MDGA2: variants seen among roughly 807,000 people sequenced by gnomAD.
The protein encoded by MDGA2 is MAM domain-containing glycosylphosphatidylinositol anchor protein 2.
Under a neutral mutation model 117.8 loss-of-function variants are expected in MDGA2, and 40 were observed. The ratio of observed to expected loss-of-function variants is 0.34; its 90% CI spans 0.26 to 0.44. The LOEUF is 0.44. Ranked by LOEUF, MDGA2 falls within the 20% of genes least tolerant of loss-of-function variation. MDGA2 has a pLI of 1.00. For missense variants in MDGA2, 1,123 were observed against 1,250.6 expected (o/e 0.90, Z 1.54); for synonymous variants, 452 against 439.0 (o/e 1.03, Z -0.37).
At chr14:47,536,247 A>G (rs1895208307) in intron 1 of MDGA2, among the ~76,000 whole-genome samples, 1 of 152,216 alleles carries the variant, frequency 6.6e-6, no homozygotes, top group Non-Finnish European at 1.5e-5. Flanking sequence ...AATACAAATT[A>G]CCAAATGAAA....
intron 1 of MDGA2, among the ~76,000 whole-genome samples, chr14:47,413,148 A>G (rs2138490055): frequency 6.6e-6 from 1 of 152,294 alleles, no homozygotes; most frequent in African/African-American, 2.4e-5. Context: ...AACCTGGCCT[A>G]TCATTATTAA....
At chr14:46,999,806 C>T (rs1887438916) in intron 8 of MDGA2, among the ~76,000 whole-genome samples, 1 of 152,012 alleles carries the variant, frequency 6.6e-6, no homozygotes, top group South Asian at 2.1e-4. Context: ...ACTAATATTT[C>T]AATTGATGAA....
In MDGA2 at chr14:46,841,660, G is replaced by A. The variant is rs931918771; in HGVS notation, c.*271C>T. 3.8e-4 allele frequency: 65 copies of A among 170,314 alleles called. 1 individual carries two copies. Among genetic ancestry groups the A allele is most frequent in the African/African-American group, 1.8e-3 (64 of 35,686 alleles). 10.6% of individuals were successfully genotyped at this position (170,314 alleles called of 1,614,324 possible). ...TTTTTTTTCCAGAGTTCAACCAGAT[G>A]ACGCTGTAATCTTTTTAGCCACAAA... On this transcript the variant is annotated 3_prime_UTR_variant, in exon 17 of 17. Coordinates refer to ENST00000399232, the MANE Select transcript of MDGA2 (RefSeq NM_001113498.3).
At chr14:47,349,682 A>G (rs1890836579) in intron 1 of MDGA2, among the ~76,000 whole-genome samples, 1 of 152,240 alleles carries the variant, frequency 6.6e-6, no homozygotes, top group South Asian at 2.1e-4. Context: ...TTTCAAAAAG[A>G]AAAGATCTTA....
At chr14:46,883,972 T>G (rs1882566436) in intron 10 of MDGA2, among the ~76,000 whole-genome samples, 1 of 152,108 alleles carries the variant, frequency 6.6e-6, no homozygotes, top group Non-Finnish European at 1.5e-5. Flanking sequence ...ATGGTATCCT[T>G]TTTCATGGGG....
intron 1 of MDGA2, among the ~76,000 whole-genome samples, chr14:47,456,570 T>G (rs1893359245): frequency 1.3e-5 from 2 of 152,008 alleles, no homozygotes; most frequent in Admixed American, 1.3e-4. Context: ...CCCAAAGTGC[T>G]GGGATTACAG....
intron 3 of MDGA2, among the ~76,000 whole-genome samples, chr14:47,185,555 A>T (rs1224813279): frequency 6.6e-6 from 1 of 151,628 alleles, no homozygotes; most frequent in African/African-American, 2.4e-5. Flanking sequence ...GAATAGAATT[A>T]TAACTCAATA....
chr14:47,106,598 T>C (rs2139031893), intron 5 of MDGA2, among the ~76,000 whole-genome samples: 1 of 152,198 alleles, frequency 6.6e-6, no homozygotes, highest in Admixed American at 6.5e-5. Context: ...CCTGGAACTT[T>C]GGCTCAAGGC....
intron 2 of MDGA2, among the ~76,000 whole-genome samples, chr14:47,246,848 C>CA (rs1887256145): frequency 7.1e-6 from 1 of 140,778 alleles, no homozygotes. Context: ...GACGTATCAA[C>CA]AAAAAGCCAG....
intron 1 of MDGA2, among the ~76,000 whole-genome samples, chr14:47,631,761 T>G (rs562958767): frequency 6.6e-6 from 1 of 152,314 alleles, no homozygotes; most frequent in East Asian, 1.9e-4. Context: ...TTAGTCACTT[T>G]GCAAGCTTCT....
intron 10 of MDGA2, among the ~76,000 whole-genome samples, chr14:46,904,934 G>T (rs1389869427): frequency 2.0e-5 from 3 of 152,114 alleles, no homozygotes. Flanking sequence ...TATTATCAGG[G>T]TAGTCTATGT....
intron 1 of MDGA2, among the ~76,000 whole-genome samples, chr14:47,399,573 T>C (rs564737022): frequency 6.6e-6 from 1 of 152,290 alleles, no homozygotes; most frequent in South Asian, 2.1e-4. Context: ...CTGCATAGCA[T>C]GGCATGGCAT....
chr14:47,103,872 T>C (rs1342832050), intron 5 of MDGA2, among the ~76,000 whole-genome samples: 1 of 152,208 alleles, frequency 6.6e-6, no homozygotes, highest in Non-Finnish European at 1.5e-5. Flanking sequence ...CATTCATTCA[T>C]AAGTATTTCT....
chr14:47,131,737 G>A lies in MDGA2; in HGVS notation c.902C>T (p.Ser301Leu), dbSNP rs1480259289. ...ACCTGTTTTATTGGACAGTCTAAAC[G>A]ACACCATCTTATCAGGAATATTACA... ...NVCNIPDKMV[S>L]FRLSNKTASP... The change falls in exon 5 of 17, where the codon TCG becomes TTG. Residue 301 changes from serine (S) to leucine (L), a missense_variant. Around this residue, in one of 2 missense-constraint regions of MDGA2, gnomAD observed 890 missense variants for 1,050.3 expected, o/e 0.85. Transcript: ENST00000399232. 5 of 1,575,234 alleles carry A rather than the reference G, an allele frequency of 3.2e-6. No homozygotes were observed. In the South Asian group the frequency reaches 3.5e-5, roughly 11 times the overall value.
intron 10 of MDGA2, among the ~76,000 whole-genome samples, chr14:46,911,323 A>C (rs186469260): frequency 3.9e-5 from 6 of 152,346 alleles, no homozygotes; most frequent in Admixed American, 6.5e-5. Context: ...TTTAAAACAG[A>C]AAACAGAAGC....
chr14:46,858,770 T>C (rs1470055720), intron 14 of MDGA2, among the ~76,000 whole-genome samples: 1 of 152,184 alleles, frequency 6.6e-6, no homozygotes, highest in Non-Finnish European at 1.5e-5. Context: ...GTCCAAAGTC[T>C]AACTTTCTTA....
chr14:47,016,219 A>C (rs2138560216), intron 8 of MDGA2, among the ~76,000 whole-genome samples: 1 of 152,158 alleles, frequency 6.6e-6, no homozygotes, highest in African/African-American at 2.4e-5. Flanking sequence ...TTAATGGCTT[A>C]GCCATTTAAA....
chr14:47,357,106 G>A (rs575509249), intron 1 of MDGA2, among the ~76,000 whole-genome samples: 7 of 152,228 alleles, frequency 4.6e-5, no homozygotes, highest in Admixed American at 1.3e-4. Context: ...TGGTTAAACC[G>A]TTTCCTCCCC....
At chr14:47,092,315 G>T (rs1879705205) in intron 6 of MDGA2, among the ~76,000 whole-genome samples, 1 of 152,128 alleles carries the variant, frequency 6.6e-6, no homozygotes, top group African/African-American at 2.4e-5. Context: ...TGTAAAACTA[G>T]ATGATAGAAT....
Sources: gnomAD v4.1 joint callset for allele counts (sites outside exome capture counted in the v4.1 genomes callset) on GRCh38, gnomAD v4.1.1 for gene constraint, gnomAD v4.1.1 regional missense constraint, MANE v1.5 for transcripts, NCBI Gene and HGNC (gene_info 2026-07-23, HGNC 2026-07-21) for gene names.